The following TEPSIN variants were observed in gnomAD, a reference collection of about 807,000 sequenced individuals.
TEPSIN encodes TEPSIN adaptor related protein complex 4 accessory protein.
In TEPSIN, 50 loss-of-function variants were observed where a neutral mutation model predicts 48.5. That is an observed-to-expected ratio of 1.03 (90% CI 0.82 to 1.31). TEPSIN has a LOEUF of 1.31. Among genes scored for constraint, TEPSIN ranks in the 50% most tolerant of loss-of-function variants. TEPSIN has a pLI of 0.00. For synonymous variants in TEPSIN, 392 were observed against 358.8 expected (o/e 1.09, Z -1.05); for missense variants, 838 against 815.9 (o/e 1.03, Z -0.33).
intron 11 of TEPSIN, 185 bp downstream of exon 11, chr17:81,231,213 G>A (rs1259731371): frequency 4.8e-6 from 3 of 628,522 alleles, no homozygotes; most frequent in African/African-American, 3.7e-5. Context: ...ACACACACAG[G>A]CATACATACA....
At position 81,230,491 on chromosome 17, in the gene TEPSIN, C is replaced by A; in HGVS notation, c.1233+53G>T. 1.3e-6 allele frequency: 2 copies of A among 1,599,536 alleles called. No homozygotes were observed. Among genetic ancestry groups the A allele is most frequent in the Non-Finnish European group, 1.7e-6 (2 of 1,175,394 alleles). ...GGGGTGGCCGTGGACTGCAGCGTAT[C>A]TCCCACTGTACCCTTGGACCCCGGT... On this transcript the variant is annotated intron_variant, in intron 12 of 12. Coordinates refer to ENST00000637944, the MANE Select transcript of TEPSIN (RefSeq NM_001363764.2). This position sits in a 1 kb window ranked among gnomAD's most constrained non-coding sequence, Gnocchi z 4.2.
rs2062635887 is a variant in TEPSIN, at chr17:81,232,457, G to A, written c.588C>T (p.Ala196=). 1 of 1,535,600 alleles carries A rather than the reference G, an allele frequency of 6.5e-7. No individual in the cohort carries two copies. Among genetic ancestry groups the A allele is most frequent in the Admixed American group, 2.0e-5 (1 of 50,986 alleles). ...IQKAAEVVAS[A]MRPGPESPST... is the part of the protein sequence containing the mutation. The stretch of plus-strand genomic sequence containing the variant: ...TGGGACTCTCGGGCCCGGGGCGCAT[G>A]GCGCTGGCCACCACCTCTGCGGCCT... Residue 196 remains alanine (A), a synonymous_variant, in exon 8 of 13, where the codon GCC becomes GCT. Transcript: ENST00000637944.
At chr17:81,232,245 G>T in intron 8 of TEPSIN, 70 bp downstream of exon 8, 1 of 1,435,966 alleles carries the variant, frequency 7.0e-7, no homozygotes, top group Non-Finnish European at 9.2e-7. Flanking sequence ...TGCCTCCGTG[G>T]CCGCAAAGCC....
chr17:81,236,789 G>T lies in TEPSIN; in HGVS notation c.226C>A (p.Leu76Met). The T allele has an allele frequency of 6.4e-7, 1 of 1,567,190 alleles. No individual in the cohort carries two copies. Among genetic ancestry groups the T allele is most frequent in the African/African-American group, 1.4e-5 (1 of 73,812 alleles). ...GHGKLKVLKI[L>M]LYLCSHGSSF... ...GAGCCGTGGCTGCACAGATAGAGCA[G>T]GATCTTCAGCACCTGGGGAGTGGGG... Residue 76 changes from leucine (L) to methionine (M), a missense_variant, in exon 4 of 13, where the codon CTG (leucine) becomes ATG (methionine). Transcript: ENST00000637944.
At chr17:81,237,789 T>C in intron 1 of TEPSIN, 2 of 332,386 alleles carry the variant, frequency 6.0e-6, no homozygotes, top group South Asian at 4.4e-5. Context: ...ACCTCTCCTG[T>C]ACCTACCTAC....
rs1304427823 is a variant in TEPSIN at position 81,231,462 on chromosome 17, T to A, written c.1034A>T (p.Asn345Ile). 3 of 1,569,572 alleles carry A rather than the reference T, an allele frequency of 1.9e-6. No homozygotes were observed. Among genetic ancestry groups the A allele is most frequent in the Non-Finnish European group, 1.7e-6 (2 of 1,157,358 alleles). The part of the protein sequence containing the change: ...QHFIKACGLL[N>I]CEAVLQLLTC... ...CAGCAGCTGCAGCACGGCCTCACAGTTGAGCAGTCCACACCTGCACAGAGG... is the reference window on the plus strand; with the variant it reads ...CAGCAGCTGCAGCACGGCCTCACAGATGAGCAGTCCACACCTGCACAGAGG... Residue 345 changes from asparagine (N) to isoleucine (I), a missense_variant, in exon 11 of 13, where the codon AAC becomes ATC. Physicochemically the swap from Asn to Ile is moderately radical, Grantham distance 149 (BLOSUM62 -3). Coordinates refer to ENST00000637944, the MANE Select transcript of TEPSIN (RefSeq NM_001363764.2).
intron 4 of TEPSIN, among the ~76,000 whole-genome samples, chr17:81,235,767 G>C (rs1049432793): frequency 1.3e-5 from 2 of 152,204 alleles, no homozygotes; most frequent in African/African-American, 2.4e-5. Context: ...CTGTGAGGAT[G>C]GCGAGAGCAC....
At chr17:81,236,059 T>G (rs762968890) in intron 4 of TEPSIN, among the ~76,000 whole-genome samples, 2 of 152,136 alleles carry the variant, frequency 1.3e-5, no homozygotes, top group African/African-American at 2.4e-5. Context: ...GTGCGCCCAG[T>G]GACCACCTGG....
At chr17:81,237,261 C>T (rs780555203) in intron 2 of TEPSIN, 126 bp downstream of exon 2, 1 of 1,277,846 alleles carries the variant, frequency 7.8e-7, no homozygotes, top group Non-Finnish European at 1.1e-6. Context: ...CCACCCATGC[C>T]TGGTTACAAT....
In TEPSIN at chr17:81,233,301, A is replaced by G. The variant is rs2146837649; in HGVS notation, c.526+131T>C. 1 of 1,070,302 alleles carries G rather than the reference A, an allele frequency of 9.3e-7. No individual in the cohort carries two copies. The highest frequency in any genetic ancestry group is 2.6e-5 in the East Asian group (1 of 38,030). 66.3% of individuals were successfully genotyped at this position (1,070,302 alleles called of 1,614,324 possible). A position where few individuals can be genotyped will look rare whatever the true frequency, so the allele number is the denominator to read the frequency against. On this transcript the variant is annotated intron_variant, in intron 7 of 12. Transcript: ENST00000637944. This position sits in a 1 kb window ranked among gnomAD's most constrained non-coding sequence, Gnocchi z 5.8. The stretch of plus-strand genomic sequence containing the variant: ...AGAGACAGTGGGGACAGCCCCAGGA[A>G]GGGTTGAGGCCATGTAGGGGAGGGG...
intron 7 of TEPSIN, 187 bp from the exon 8 acceptor site, chr17:81,232,705 T>G: frequency 3.5e-6 from 2 of 576,302 alleles, no homozygotes; most frequent in Non-Finnish European, 6.1e-6. Flanking sequence ...CGCTTTGGCA[T>G]TCCCACTCCC....
In TEPSIN at chr17:81,232,252, A is replaced by T. The variant is rs1026529244; in HGVS notation, c.730+63T>A. ...CTGGGATTTGCCTCCGTGGCCGCAA[A>T]GCCCCAGCGGTGACAGGAAGGAGTG... On this transcript the variant is annotated intron_variant, in intron 8 of 12. Transcript: ENST00000637944. 18 of 1,445,634 alleles carry T rather than the reference A, an allele frequency of 1.2e-5. 1 individual carries two copies. In the Admixed American group the frequency reaches 3.8e-4, roughly 31 times the overall value. The allele number at this position is 1,445,634 out of a possible 1,614,324, so 89.6% of individuals were successfully genotyped here.
rs1233668470 is a variant in TEPSIN, at chr17:81,230,317, C to G, written c.1233+227G>C. ...GGGGGCTTCCAGGAATAGGTAGAGG[C>G]CAGTGTACTGTGAGTGCTGCAGAGT... On this transcript the variant is annotated intron_variant, in intron 12 of 12. Transcript: ENST00000637944. This position sits in a 1 kb window ranked among gnomAD's most constrained non-coding sequence, Gnocchi z 4.2. The G allele has an allele frequency of 4.8e-5, 26 of 546,380 alleles. No individual in the cohort carries two copies. In the East Asian group the frequency reaches 8.5e-4, roughly 18 times the overall value. The allele number at this position is 546,380 out of a possible 1,614,324, so 33.8% of individuals were successfully genotyped here. A position where few individuals can be genotyped will look rare whatever the true frequency, so the allele number is the denominator to read the frequency against.
rs1209381840 is a variant in TEPSIN at position 81,236,807 on chromosome 17, G to C, written c.214-6C>G. 1 of 1,559,768 alleles carries C rather than the reference G, an allele frequency of 6.4e-7. No individual in the cohort carries two copies. ...TAGAGCAGGATCTTCAGCACCTGGG[G>C]AGTGGGGCGGTCAGCAGTGCTGGGC... On this transcript the variant is annotated splice_region_variant and splice_polypyrimidine_tract_variant and intron_variant, in intron 3 of 12. Coordinates refer to ENST00000637944, the MANE Select transcript of TEPSIN (RefSeq NM_001363764.2).
rs2079380264 is a variant in TEPSIN at position 81,228,292 on chromosome 17, G to T, written c.*636C>A. 3 of 152,680 alleles carry T rather than the reference G, an allele frequency of 2.0e-5. No individual in the cohort carries two copies. The allele number at this position is 152,680 out of a possible 1,614,324, so 9.5% of individuals were successfully genotyped here. ...GCGGCCCAGGTTCATGTAAACAGTA[G>T]TGTTTATTCAGAAAGCATAAACCCC... is the stretch of plus-strand genomic sequence containing the variant. On this transcript the variant is annotated 3_prime_UTR_variant, in exon 13 of 13. Coordinates refer to ENST00000637944, the MANE Select transcript of TEPSIN (RefSeq NM_001363764.2).
In TEPSIN at chr17:81,231,939, G is replaced by GTTCTGGGAGGAA; in HGVS notation, c.801_812dup (p.Ser269_Ser272dup). ...AGTCCGAGACCCTGCTCAGGTCGCT[G>GTTCTGGGAGGAA]TTCTGGGAGGAATTCTGAGAGCTGG... On this transcript the variant is annotated inframe_insertion, in exon 9 of 13. Transcript: ENST00000637944. 6.2e-7 allele frequency: 1 copy of GTTCTGGGAGGAA among 1,613,654 alleles called. No individual in the cohort carries two copies. Among genetic ancestry groups the GTTCTGGGAGGAA allele is most frequent in the Non-Finnish European group, 8.5e-7 (1 of 1,180,004 alleles).
At chr17:81,232,931 G>A (rs964537983) in intron 7 of TEPSIN, 6 of 229,442 alleles carry the variant, frequency 2.6e-5, no homozygotes, top group Admixed American at 1.1e-4. Flanking sequence ...GCAGGACGGC[G>A]TGACACAGCC....
rs11655759 is a variant in TEPSIN at position 81,231,936 on chromosome 17, G to A, written c.816C>T (p.Ser272=). ...CCGAGTCCGAGACCCTGCTCAGGTC[G>A]CTGTTCTGGGAGGAATTCTGAGAGC... ...GPSSQNSSQN[S]DLSRVSDSGS... The change falls in exon 9 of 13, where the codon AGC becomes AGT. Residue 272 remains serine, a synonymous_variant. Coordinates refer to ENST00000637944, the MANE Select transcript of TEPSIN (RefSeq NM_001363764.2). 570,210 of 1,613,350 alleles carry A rather than the reference G, an allele frequency of 0.35. 108,470 individuals carry two copies. The highest frequency in any genetic ancestry group is 0.4 in the Non-Finnish European group (472,213 of 1,179,916).
rs1419407601 is a variant in TEPSIN at position 81,236,770 on chromosome 17, T to A, written c.245A>T (p.His82Leu). The change falls in exon 4 of 13, where the codon CAC (histidine) becomes CTC (leucine). Residue 82 changes from histidine to leucine, a missense_variant. His to Leu is a moderately conservative substitution (Grantham distance 99). Transcript: ENST00000637944. ...GATGAGCAGGAAGAAGGAGGAGCCGTGGCTGCACAGATAGAGCAGGATCTT... is the reference window on the plus strand; with the variant it reads ...GATGAGCAGGAAGAAGGAGGAGCCGAGGCTGCACAGATAGAGCAGGATCTT... ...VLKILLYLCS[H>L]GSSFFLLILK... is the part of the protein sequence containing the mutation. The A allele has an allele frequency of 1.3e-6, 2 of 1,572,680 alleles. No homozygotes were observed. Among genetic ancestry groups the A allele is most frequent in the Non-Finnish European group, 8.6e-7 (1 of 1,159,618 alleles).
Sources: allele counts gnomAD v4.1 joint callset (sites outside exome capture counted in the v4.1 genomes callset), GRCh38; gene constraint gnomAD v4.1.1; non-coding constraint Gnocchi (gnomAD v3.1); transcripts MANE v1.5; gene names NCBI Gene and HGNC (gene_info 2026-07-23, HGNC 2026-07-21).